The following ZNF277 variants were observed in gnomAD, a reference collection of about 807,000 sequenced individuals.
ZNF277 encodes zinc finger protein 277.
Under a neutral mutation model 60.7 loss-of-function variants are expected in ZNF277, and 55 were observed. The observed-to-expected ratio is 0.91, with a 90% confidence interval of 0.73 to 1.13. The LOEUF (loss-of-function observed/expected upper bound fraction) is 1.13. Ranked by LOEUF, ZNF277 falls within the 50% of genes most tolerant of loss-of-function variation. The probability of loss-of-function intolerance (pLI) is 0.00; values close to 1 mark genes in which losing one functional copy is unlikely to be tolerated. For synonymous variants in ZNF277, 178 were observed against 179.3 expected, an observed-to-expected ratio of 0.99 and a Z score of 0.06; for missense variants, 510 against 523.0, an observed-to-expected ratio of 0.98 and a Z score of 0.24.
intron 4 of ZNF277, among the ~76,000 whole-genome samples, chr7:112,312,999 G>A (rs1792765780): frequency 6.6e-6 from 1 of 151,914 alleles, no homozygotes; most frequent in Non-Finnish European, 1.5e-5. Context: ...TTATATCTTT[G>A]TTGTTATTTT....
chr7:112,232,009 A>G (rs1251978777), intron 1 of ZNF277, among the ~76,000 whole-genome samples: 1 of 147,460 alleles, frequency 6.8e-6, no homozygotes, highest in Non-Finnish European at 1.5e-5. Context: ...AAACAGCAAC[A>G]GTATTGGGAA....
intron 1 of ZNF277, among the ~76,000 whole-genome samples, chr7:112,273,742 C>A (rs543496531): frequency 3.3e-5 from 5 of 152,044 alleles, no homozygotes; most frequent in Non-Finnish European, 7.4e-5. Flanking sequence ...GGCAACAGAG[C>A]GAGACTCCGT....
intron 4 of ZNF277, among the ~76,000 whole-genome samples, chr7:112,309,961 C>T (rs780978862): frequency 5.3e-5 from 8 of 152,078 alleles, no homozygotes; most frequent in Admixed American, 3.3e-4. Flanking sequence ...AAGCTGCCAT[C>T]GTTCCTAAGG....
intron 8 of ZNF277, among the ~76,000 whole-genome samples, chr7:112,337,323 C>T (rs1014677696): frequency 6.6e-6 from 1 of 152,178 alleles, no homozygotes; most frequent in African/African-American, 2.4e-5. Flanking sequence ...ATTTGTCATG[C>T]AGAAACACAT....
In ZNF277 at chr7:112,318,245, T is replaced by A. The variant is rs1792888391; in HGVS notation, c.529T>A (p.Phe177Ile). ...NDTNFHGVCM[F>I]CNEEFLGNRS... ...TACCAATTTTCATGGCGTTTGTATG[T>A]TTTGCAATGAAGAATTCCTTGGAAA... The change falls in exon 5 of 12, where the codon TTT (phenylalanine) becomes ATT (isoleucine). Residue 177 changes from phenylalanine (F) to isoleucine (I), a missense_variant. Physicochemically the swap from Phe to Ile is conservative, Grantham distance 21. Coordinates refer to ENST00000361822, the MANE Select transcript of ZNF277 (RefSeq NM_021994.3). 1 of 1,613,448 alleles carries A rather than the reference T, an allele frequency of 6.2e-7. No individual in the cohort carries two copies. The highest frequency in any genetic ancestry group is 8.5e-7 in the Non-Finnish European group (1 of 1,179,480).
At position 112,320,637 on chromosome 7, in the gene ZNF277, A is replaced by ATTGT. The variant is rs569902479; in HGVS notation, c.557+2371_557+2374dup. ...TTTTCTCCTCTCCTCCACACCCTTC[A>ATTGT]TTGTTTGTTTTAACCTGTTTGTGTC... On this transcript the variant is annotated intron_variant, in intron 5 of 11. Coordinates refer to ENST00000361822, the MANE Select transcript of ZNF277 (RefSeq NM_021994.3). Among the ~76,000 whole-genome samples the ATTGT allele has an allele frequency of 1.3e-3, 201 of 152,024 alleles. 6 individuals carry two copies. The South Asian group carries it at 0.041, about 31-fold the overall frequency.
intron 1 of ZNF277, among the ~76,000 whole-genome samples, chr7:112,266,343 C>T (rs10277444): frequency 0.055 from 8,337 of 152,026 alleles, 606 homozygotes; most frequent in African/African-American, 0.17. Context: ...GACAGGGTTT[C>T]GCCATGTTGG....
intron 4 of ZNF277, among the ~76,000 whole-genome samples, chr7:112,314,258 G>T (rs908862640): frequency 2.0e-5 from 3 of 152,044 alleles, no homozygotes; most frequent in Non-Finnish European, 4.4e-5. Context: ...ACCCCTAAGT[G>T]TCAGGCCATT....
chr7:112,339,494 T>A (rs112557895), intron 9 of ZNF277, among the ~76,000 whole-genome samples: 9,177 of 152,254 alleles, frequency 0.06, 519 homozygotes, highest in African/African-American at 0.15. Context: ...AATTTTTGTA[T>A]TTTTAGTAGA....
At chr7:112,293,336 G>T (rs1413481450) in intron 2 of ZNF277, among the ~76,000 whole-genome samples, 3 of 152,092 alleles carry the variant, frequency 2.0e-5, no homozygotes, top group African/African-American at 7.2e-5. Context: ...CAGCACTTTG[G>T]GAGTCCAAGA....
intron 1 of ZNF277, among the ~76,000 whole-genome samples, chr7:112,223,071 G>C (rs946657140): frequency 6.6e-6 from 1 of 152,146 alleles, no homozygotes; most frequent in Non-Finnish European, 1.5e-5. Context: ...CCTATTGTGG[G>C]ACCTTGTGAT....
chr7:112,324,148 T>C (rs11768719), intron 5 of ZNF277, among the ~76,000 whole-genome samples: 51,015 of 152,118 alleles, frequency 0.34, 11,496 homozygotes, highest in African/African-American at 0.64. Flanking sequence ...TTTAAAATAT[T>C]GTAAGTCAAA....
rs542661265 is a variant in ZNF277, at chr7:112,231,401, TC to T, written c.91+24596del. Among the ~76,000 whole-genome samples the T allele has an allele frequency of 5.3e-5, 8 of 152,266 alleles. No individual in the cohort carries two copies. The East Asian group carries it at 1.5e-3, about 29-fold the overall frequency. On this transcript the variant is annotated intron_variant, in intron 1 of 11. Coordinates refer to ENST00000361822, the MANE Select transcript of ZNF277 (RefSeq NM_021994.3). ...AACTTACATTCATATCTACTGCAAA[TC>T]CTTTGTTCTGTGCAACTGATAAATC...
At chr7:112,279,726 A>G (rs1474708580) in intron 1 of ZNF277, among the ~76,000 whole-genome samples, 1 of 152,214 alleles carries the variant, frequency 6.6e-6, no homozygotes, top group African/African-American at 2.4e-5. Flanking sequence ...CGTATTTTGT[A>G]TATATATTAT....
rs535936864 is a variant in ZNF277 at position 112,208,306 on chromosome 7, C to T, written c.91+1499C>T. 1.0e-3 allele frequency among the ~76,000 whole-genome samples: 152 copies of T among 151,822 alleles called. 2 individuals are homozygous for T. The South Asian group carries it at 0.031, about 31-fold the overall frequency. Reference sequence around the variant, plus strand: ...AGGAGAATCCCTTGAGCCCGGGAGGCGGAGGTTGTGGTGAGCCATGATCCA... The same window carrying T: ...AGGAGAATCCCTTGAGCCCGGGAGGTGGAGGTTGTGGTGAGCCATGATCCA... On this transcript the variant is annotated intron_variant, in intron 1 of 11. Coordinates refer to ENST00000361822, the MANE Select transcript of ZNF277 (RefSeq NM_021994.3).
chr7:112,240,838 T>C (rs1790929150), intron 1 of ZNF277, among the ~76,000 whole-genome samples: 2 of 152,164 alleles, frequency 1.3e-5, no homozygotes, highest in African/African-American at 4.8e-5. Flanking sequence ...TCTCTTACCA[T>C]ATATAAAAAT....
intron 4 of ZNF277, among the ~76,000 whole-genome samples, chr7:112,316,381 T>C (rs189108437): frequency 3.3e-4 from 51 of 152,272 alleles, no homozygotes; most frequent in African/African-American, 1.2e-3. Context: ...TGTCTGTTTA[T>C]ATCCTTTGCC....
chr7:112,219,680 C>T (rs891283891), intron 1 of ZNF277, among the ~76,000 whole-genome samples: 3 of 152,178 alleles, frequency 2.0e-5, no homozygotes, highest in African/African-American at 4.8e-5. Context: ...GTGTCTCCCA[C>T]GCTAAAGTGC....
At chr7:112,339,176 G>A (rs1198019658) in intron 9 of ZNF277, among the ~76,000 whole-genome samples, 5 of 152,146 alleles carry the variant, frequency 3.3e-5, no homozygotes, top group Non-Finnish European at 4.4e-5. Context: ...TAGTCCAAAT[G>A]CACAGTACAA....
Sources: allele counts gnomAD v4.1 joint callset (sites outside exome capture counted in the v4.1 genomes callset), GRCh38; gene constraint gnomAD v4.1.1; transcripts MANE v1.5; gene names NCBI Gene and HGNC (gene_info 2026-07-23, HGNC 2026-07-21).